The following SGCZ variants were observed in gnomAD, a reference collection of about 807,000 sequenced individuals.
The protein encoded by SGCZ is zeta-sarcoglycan.
SGCZ carries 40 observed loss-of-function variants against 41.3 expected under a neutral mutation model. The observed-to-expected ratio is 0.97, with a 90% CI of 0.75 to 1.26. SGCZ has a LOEUF of 1.26. Among genes scored for constraint, SGCZ ranks in the 50% most tolerant of loss-of-function variants. The probability of loss-of-function intolerance (pLI) is 0.00; values close to 1 mark genes in which losing one functional copy is unlikely to be tolerated. For synonymous variants in SGCZ, 206 were observed against 137.5 expected (o/e 1.50, Z -3.49); for missense variants, 552 against 369.8 (o/e 1.49, Z -4.04).
chr8:14,998,166 C>T (rs1158738028), intron 1 of SGCZ, among the ~76,000 whole-genome samples: 1 of 152,004 alleles, frequency 6.6e-6, no homozygotes, highest in Non-Finnish European at 1.5e-5. Context: ...ACTTAAAAGC[C>T]CAGAGGCACT....
intron 2 of SGCZ, among the ~76,000 whole-genome samples, chr8:14,429,160 T>A (rs1013979995): frequency 6.6e-6 from 1 of 152,184 alleles, no homozygotes; most frequent in Non-Finnish European, 1.5e-5. Flanking sequence ...GGCTGATACA[T>A]ACAGTAAAAC....
In SGCZ at chr8:14,611,589, C is replaced by T. The variant is rs181775557; in HGVS notation, c.40-56663G>A. Reference sequence around the variant, plus strand: ...ATTTATTTTGTCCTTTGCTGGAAAACATTTTCAGTGTAACATTCCTTCAAA... The same window carrying T: ...ATTTATTTTGTCCTTTGCTGGAAAATATTTTCAGTGTAACATTCCTTCAAA... On this transcript the variant is annotated intron_variant, in intron 1 of 7. Transcript: ENST00000382080. Among the ~76,000 whole-genome samples the T allele has an allele frequency of 3.7e-3, 569 of 152,202 alleles. 4 individuals are homozygous for T. Among genetic ancestry groups the T allele is most frequent in the African/African-American group, 0.013 (547 of 41,540 alleles).
intron 1 of SGCZ, among the ~76,000 whole-genome samples, chr8:14,668,846 G>T (rs763342382): frequency 6.6e-6 from 1 of 152,046 alleles, no homozygotes; most frequent in Non-Finnish European, 1.5e-5. Flanking sequence ...TTGAGGATTT[G>T]ATATCCTTAT....
intron 1 of SGCZ, 48 bp from the exon 2 acceptor site, chr8:14,554,974 C>T (rs774392234): frequency 9.5e-6 from 14 of 1,471,048 alleles, no homozygotes; most frequent in African/African-American, 1.4e-5. Context: ...AAAAAAGAAG[C>T]ATTAAAAAAA....
At chr8:14,759,495 A>G (rs1265436947) in intron 1 of SGCZ, among the ~76,000 whole-genome samples, 2 of 152,206 alleles carry the variant, frequency 1.3e-5, no homozygotes, top group Non-Finnish European at 2.9e-5. Flanking sequence ...TATTCCAGAA[A>G]ATATCAAAAG....
chr8:14,187,172 T>A (rs898897755), intron 4 of SGCZ, among the ~76,000 whole-genome samples: 1 of 152,146 alleles, frequency 6.6e-6, no homozygotes, highest in African/African-American at 2.4e-5. Flanking sequence ...TTTAATAAAT[T>A]AATCCAGTTC....
chr8:14,978,415 G>A (rs1326955916), intron 1 of SGCZ, among the ~76,000 whole-genome samples: 1 of 114,102 alleles, frequency 8.8e-6, no homozygotes, highest in Admixed American at 9.3e-5. Flanking sequence ...AGGTTGTAGT[G>A]AGCCAAGATC....
intron 2 of SGCZ, among the ~76,000 whole-genome samples, chr8:14,342,361 G>C (rs895289179): frequency 6.6e-6 from 1 of 152,110 alleles, no homozygotes; most frequent in African/African-American, 2.4e-5. Context: ...CTGTCGCCCA[G>C]GCTGGAGTGC....
rs144114746 is a variant in SGCZ at position 14,541,739 on chromosome 8, C to T, written c.234+12993G>A. On this transcript the variant is annotated intron_variant, in intron 2 of 7. Coordinates refer to ENST00000382080, the MANE Select transcript of SGCZ (RefSeq NM_139167.4). Reference sequence around the variant, plus strand: ...TCCACAATGGTTGAACTAATTTACACTCCCATTAACAGTGTAAAAGCAGTC... The same window carrying T: ...TCCACAATGGTTGAACTAATTTACATTCCCATTAACAGTGTAAAAGCAGTC... Among the ~76,000 whole-genome samples the T allele has an allele frequency of 5.9e-5, 9 of 152,230 alleles. No homozygotes were observed. The East Asian group carries it at 1.4e-3, about 23-fold the overall frequency.
At chr8:14,149,566 G>T (rs1218419972) in intron 5 of SGCZ, among the ~76,000 whole-genome samples, 8 of 149,882 alleles carry the variant, frequency 5.3e-5, no homozygotes, top group Non-Finnish European at 8.9e-5. Context: ...TGGATCGGAA[G>T]AATCAATGTT....
rs1345806823 is a variant in SGCZ, at chr8:14,089,630, G to T, written c.*813C>A. Among the ~76,000 whole-genome samples, 1 of 151,922 alleles carries T rather than the reference G, an allele frequency of 6.6e-6. No homozygotes were observed. Among genetic ancestry groups the T allele is most frequent in the African/African-American group, 2.4e-5 (1 of 41,402 alleles). ...CCATCAACATATCCTTCTTAATCCT[G>T]TCTTATATTGCAATAGAGTAGATGT... On this transcript the variant is annotated 3_prime_UTR_variant, in exon 8 of 8. Transcript: ENST00000382080.
chr8:14,428,673 G>A (rs961926159), intron 2 of SGCZ, among the ~76,000 whole-genome samples: 2 of 152,126 alleles, frequency 1.3e-5, no homozygotes, highest in Non-Finnish European at 2.9e-5. Flanking sequence ...AATCGGTTAC[G>A]TGCATCCAAC....
At chr8:14,309,254 A>T (rs1468626901) in intron 3 of SGCZ, 11 of 1,530,362 alleles carry the variant, frequency 7.2e-6, no homozygotes, top group Non-Finnish European at 9.9e-6. Context: ...GTACAACCAT[A>T]TCCAGTTGTC....
intron 5 of SGCZ, among the ~76,000 whole-genome samples, chr8:14,111,907 G>A (rs191816801): frequency 7.6e-4 from 115 of 152,208 alleles, no homozygotes; most frequent in African/African-American, 2.6e-3. Flanking sequence ...AATGCCACAC[G>A]CTCAAAAACA....
intron 2 of SGCZ, among the ~76,000 whole-genome samples, chr8:14,366,080 AT>A (rs1206572933): frequency 6.6e-6 from 1 of 152,238 alleles, no homozygotes; most frequent in South Asian, 2.1e-4. Flanking sequence ...TTTTTATCAT[AT>A]TTTTATATCA....
intron 1 of SGCZ, among the ~76,000 whole-genome samples, chr8:15,081,071 A>G (rs62494575): frequency 0.013 from 1,962 of 152,280 alleles, 16 homozygotes; most frequent in Non-Finnish European, 0.021. Context: ...TCACAAGAAC[A>G]TAAACTCTGT....
intron 3 of SGCZ, among the ~76,000 whole-genome samples, chr8:14,308,742 G>A (rs766808449): frequency 7.2e-5 from 11 of 151,920 alleles, no homozygotes; most frequent in Non-Finnish European, 1.2e-4. Context: ...TCTTTGTGCC[G>A]CGGTACCATG....
intron 1 of SGCZ, among the ~76,000 whole-genome samples, chr8:14,758,854 C>T (rs1249585085): frequency 6.6e-6 from 1 of 151,886 alleles, no homozygotes; most frequent in African/African-American, 2.4e-5. Context: ...ACTAAAAATA[C>T]AAAATTAACT....
chr8:14,637,647 T>C (rs1806878308), intron 1 of SGCZ, among the ~76,000 whole-genome samples: 1 of 151,890 alleles, frequency 6.6e-6, no homozygotes, highest in African/African-American at 2.4e-5. Context: ...GCAAAGGACA[T>C]GATTCCGTTC....
Sources: gnomAD v4.1 joint callset for allele counts (sites outside exome capture counted in the v4.1 genomes callset) on GRCh38, gnomAD v4.1.1 for gene constraint, MANE v1.5 for transcripts, NCBI Gene and HGNC (gene_info 2026-07-23, HGNC 2026-07-21) for gene names.